Variants in NRXN3 observed in about 807,000 individuals in gnomAD.
NRXN3 encodes neurexin III.
NRXN3 carries 32 observed loss-of-function variants against 137.6 expected under a neutral mutation model. The ratio of observed to expected loss-of-function variants is 0.23; its 90% CI spans 0.18 to 0.31. The LOEUF is 0.31. NRXN3 is among the 10% of genes least tolerant of loss of function. NRXN3 has a pLI of 1.00. For missense variants in NRXN3, 1,574 were observed against 2,062.5 expected, an observed-to-expected ratio of 0.76 and a Z score of 4.59; for synonymous variants, 798 against 784.5, an observed-to-expected ratio of 1.02 and a Z score of -0.29.
At chr14:78,850,328 C>T (rs1424612579) in intron 10 of NRXN3, among the ~76,000 whole-genome samples, 5 of 152,114 alleles carry the variant, frequency 3.3e-5, no homozygotes, top group Non-Finnish European at 7.4e-5. Context: ...GACCATAATA[C>T]CTCAGGCCTT....
chr14:79,385,867 T>C (rs915614010), intron 15 of NRXN3, among the ~76,000 whole-genome samples: 5 of 152,082 alleles, frequency 3.3e-5, no homozygotes, highest in Admixed American at 6.6e-5. Context: ...CATGATTATC[T>C]CAATAGATGC....
chr14:79,782,692 T>C (rs1335739393), intron 19 of NRXN3, among the ~76,000 whole-genome samples: 1 of 152,178 alleles, frequency 6.6e-6, no homozygotes, highest in Non-Finnish European at 1.5e-5. Context: ...TCCAAAATGC[T>C]GCCTAGGAGT....
intron 2 of NRXN3, among the ~76,000 whole-genome samples, chr14:78,275,828 A>G (rs527540565): frequency 2.0e-5 from 3 of 152,308 alleles, no homozygotes; most frequent in East Asian, 3.9e-4. Flanking sequence ...GAGGACTGCT[A>G]CAAGAAGAAG....
intron 15 of NRXN3, among the ~76,000 whole-genome samples, chr14:79,309,678 G>A (rs2086846480): frequency 7.0e-6 from 1 of 142,962 alleles, no homozygotes; most frequent in African/African-American, 2.7e-5. Context: ...TTCTCTGATG[G>A]CCATTGATGA....
At chr14:79,279,189 G>A (rs1380516711) in intron 15 of NRXN3, 2 of 228,468 alleles carry the variant, frequency 8.8e-6, no homozygotes, top group Non-Finnish European at 1.4e-5. Context: ...GGCGTGTGCT[G>A]GAGGCTCGCG....
intron 4 of NRXN3, among the ~76,000 whole-genome samples, chr14:78,564,807 G>A (rs1489052235): frequency 1.3e-5 from 2 of 152,026 alleles, no homozygotes; most frequent in Non-Finnish European, 2.9e-5. Flanking sequence ...ACATATGGTG[G>A]GGGTCTCAGT....
chr14:79,173,345 C>T (rs1215142791), intron 15 of NRXN3, among the ~76,000 whole-genome samples: 1 of 151,804 alleles, frequency 6.6e-6, no homozygotes, highest in African/African-American at 2.4e-5. Context: ...GCCTGGGCGA[C>T]ATGATGAGAC....
rs561717494 is a variant in NRXN3, at chr14:78,889,528, T to A, written c.2276-67714T>A. Among the ~76,000 whole-genome samples the A allele has an allele frequency of 1.4e-4, 21 of 152,132 alleles. No homozygotes were observed. The South Asian group carries it at 3.5e-3, about 25-fold the overall frequency. ...TGGCTACCTCTCAGTTTTCTGAATA[T>A]TTTTTAGTACTTGCTGTTACAATGT... On this transcript the variant is annotated intron_variant, in intron 10 of 20. Coordinates refer to ENST00000335750, the MANE Select transcript of NRXN3 (RefSeq NM_001330195.2).
intron 10 of NRXN3, among the ~76,000 whole-genome samples, chr14:78,867,512 T>G (rs2099090117): frequency 6.6e-6 from 1 of 152,160 alleles, no homozygotes. Context: ...AAATTTGGCA[T>G]TTGAGGAATC....
At chr14:78,670,617 C>T (rs181651963) in intron 6 of NRXN3, among the ~76,000 whole-genome samples, 14 of 152,306 alleles carry the variant, frequency 9.2e-5, no homozygotes, top group African/African-American at 2.4e-4. Context: ...AAGTATTTTA[C>T]GTGTGCTAAC....
Position 79,773,799 on chromosome 14 carries a change from TAAATAAAAATAAA to T in NRXN3, c.4015-31297_4015-31285del, listed in dbSNP as rs548080514. Among the ~76,000 whole-genome samples, 941 of 106,616 alleles carry T rather than the reference TAAATAAAAATAAA, an allele frequency of 8.8e-3. 6 individuals are homozygous for T. The highest frequency in any genetic ancestry group is 0.031 in the African/African-American group (889 of 28,590). 69.9% of individuals were successfully genotyped at this position (106,616 alleles called of 152,430 possible). A position where few individuals can be genotyped will look rare whatever the true frequency, so the allele number is the denominator to read the frequency against. On this transcript the variant is annotated intron_variant, in intron 19 of 20. Transcript: ENST00000335750. Reference sequence around the variant, plus strand: ...ATAATAATGATAAATAAAATAAAAATAAATAAAAATAAAAAATAAAAATAAAAATACAAAAAAA... The same window carrying T: ...ATAATAATGATAAATAAAATAAAAATAAATAAAAATAAAAATACAAAAAAA...
intron 16 of NRXN3, among the ~76,000 whole-genome samples, chr14:79,516,142 C>CA (rs2096981739): frequency 6.6e-6 from 1 of 152,144 alleles, no homozygotes; most frequent in African/African-American, 2.4e-5. Flanking sequence ...CTTTGCAGAT[C>CA]AATTAAAGTC....
intron 16 of NRXN3, among the ~76,000 whole-genome samples, chr14:79,545,885 C>G (rs139285724): frequency 0.19 from 28,573 of 151,896 alleles, 2,688 homozygotes; most frequent in Middle Eastern, 0.29. Flanking sequence ...TGTGTCCCCA[C>G]CCAAATCTCA....
intron 6 of NRXN3, among the ~76,000 whole-genome samples, chr14:78,670,011 GC>G (rs2097920107): frequency 6.7e-6 from 1 of 150,184 alleles, no homozygotes; most frequent in African/African-American, 2.5e-5. Flanking sequence ...CCCTCCCCTA[GC>G]CCCCCACCCC....
intron 14 of NRXN3, among the ~76,000 whole-genome samples, chr14:78,970,380 A>G (rs1455095803): frequency 6.6e-6 from 1 of 151,330 alleles, no homozygotes; most frequent in African/African-American, 2.5e-5. Flanking sequence ...TAATAGAGAT[A>G]AAATTATCAA....
At chr14:79,324,471 G>T (rs749817839) in intron 15 of NRXN3, among the ~76,000 whole-genome samples, 1 of 152,162 alleles carries the variant, frequency 6.6e-6, no homozygotes, top group Non-Finnish European at 1.5e-5. Flanking sequence ...GGTATGTTTA[G>T]TTATATACCA....
chr14:78,207,107 G>A (rs958995022), intron 1 of NRXN3, among the ~76,000 whole-genome samples: 85 of 152,150 alleles, frequency 5.6e-4, no homozygotes, highest in African/African-American at 1.8e-3. Context: ...CAAGTGATCA[G>A]CCCATCTTGG....
intron 1 of NRXN3, among the ~76,000 whole-genome samples, chr14:78,199,753 G>C: frequency 6.6e-6 from 1 of 152,222 alleles, no homozygotes; most frequent in East Asian, 1.9e-4. Flanking sequence ...CAGTCTCCCA[G>C]GAGGTTTGAT....
In NRXN3 at chr14:79,534,970, T is replaced by C. The variant is rs145853661; in HGVS notation, c.3444+67568T>C. Among the ~76,000 whole-genome samples, 181 of 152,310 alleles carry C rather than the reference T, an allele frequency of 1.2e-3. 1 individual carries two copies. The highest frequency in any genetic ancestry group is 3.8e-3 in the African/African-American group (159 of 41,578). Reference sequence around the variant, plus strand: ...TCTTTCTAAACATTGGTAGTAGAAGTGTACCACAACAGGCAACCTTACATT... The same window carrying C: ...TCTTTCTAAACATTGGTAGTAGAAGCGTACCACAACAGGCAACCTTACATT... On this transcript the variant is annotated intron_variant, in intron 16 of 20. Transcript: ENST00000335750.
Sources: gnomAD v4.1 joint callset for allele counts (sites outside exome capture counted in the v4.1 genomes callset) on GRCh38, gnomAD v4.1.1 for gene constraint, MANE v1.5 for transcripts, NCBI Gene and HGNC (gene_info 2026-07-23, HGNC 2026-07-21) for gene names.